Variants in CDH20 observed in about 807,000 individuals in gnomAD.
CDH20 encodes the protein cadherin-20.
A neutral mutation model predicts 74.2 loss-of-function variants in CDH20; 29 were observed. That is an observed-to-expected ratio of 0.39 (90% CI 0.29 to 0.53). The LOEUF (loss-of-function observed/expected upper bound fraction) is 0.53. Among genes scored for constraint, CDH20 ranks in the 20% least tolerant of loss-of-function variants. The pLI is 0.69. For missense variants in CDH20, 988 were observed against 1,048.3 expected, an observed-to-expected ratio of 0.94 and a Z score of 0.79; for synonymous variants, 469 against 405.4, an observed-to-expected ratio of 1.16 and a Z score of -1.88.
In CDH20 at chr18:61,464,566, C is replaced by T. The variant is rs115806152; in HGVS notation, c.-152-25836C>T. ...GTTTTCTGGATGCTTTGATTCACTGCACTGGTCAACTTAGAGTATGGGAAC... is the reference window on the plus strand; with the variant it reads ...GTTTTCTGGATGCTTTGATTCACTGTACTGGTCAACTTAGAGTATGGGAAC... On this transcript the variant is annotated intron_variant, in intron 1 of 11. Transcript: ENST00000262717. 8.5e-3 allele frequency among the ~76,000 whole-genome samples: 1,289 copies of T among 152,260 alleles called. 18 individuals are homozygous for T. Among genetic ancestry groups the T allele is most frequent in the African/African-American group, 0.03 (1,228 of 41,534 alleles).
intron 1 of CDH20, among the ~76,000 whole-genome samples, chr18:61,462,798 A>G (rs978349619): frequency 6.6e-6 from 1 of 151,948 alleles, no homozygotes; most frequent in Non-Finnish European, 1.5e-5. Flanking sequence ...AGATCCTTGA[A>G]GTTTTCTGGT....
chr18:61,395,930 G>C (rs1016607797), intron 1 of CDH20, among the ~76,000 whole-genome samples: 1 of 152,126 alleles, frequency 6.6e-6, no homozygotes, highest in Non-Finnish European at 1.5e-5. Flanking sequence ...CTACTTTTTC[G>C]ATAGTGTTAG....
chr18:61,351,797 G>A (rs1318655481), intron 1 of CDH20, among the ~76,000 whole-genome samples: 4 of 151,888 alleles, frequency 2.6e-5, no homozygotes, highest in Admixed American at 2.0e-4. Context: ...TGAGATTGAT[G>A]TCATGAATAC....
chr18:61,432,001 T>C (rs894282181), intron 1 of CDH20, among the ~76,000 whole-genome samples: 1 of 151,976 alleles, frequency 6.6e-6, no homozygotes, highest in African/African-American at 2.4e-5. Context: ...CTTTGGGATG[T>C]CGAGGCGGGC....
intron 1 of CDH20, among the ~76,000 whole-genome samples, chr18:61,421,483 T>C (rs1210119211): frequency 1.3e-5 from 2 of 152,336 alleles, no homozygotes; most frequent in African/African-American, 4.8e-5. Flanking sequence ...TGTTTCACTA[T>C]CTAATCATGT....
chr18:61,400,043 C>T (rs1254690550), intron 1 of CDH20, among the ~76,000 whole-genome samples: 2 of 152,198 alleles, frequency 1.3e-5, no homozygotes, highest in South Asian at 2.1e-4. Context: ...AAAATATAAG[C>T]CTATTGAGAA....
chr18:61,465,480 ATC>A (rs1263565644), intron 1 of CDH20, among the ~76,000 whole-genome samples: 1 of 152,206 alleles, frequency 6.6e-6, no homozygotes, highest in African/African-American at 2.4e-5. Flanking sequence ...AGCAATAAGA[ATC>A]TCAGAGTTTT....
At chr18:61,500,961 G>T (rs1475444872) in intron 4 of CDH20, among the ~76,000 whole-genome samples, 2 of 152,328 alleles carry the variant, frequency 1.3e-5, no homozygotes, top group African/African-American at 4.8e-5. Flanking sequence ...TTGGGAAATT[G>T]AGAGCTACTA....
chr18:61,402,552 T>C (rs1308438211), intron 1 of CDH20, among the ~76,000 whole-genome samples: 1 of 152,196 alleles, frequency 6.6e-6, no homozygotes, highest in East Asian at 1.9e-4. Context: ...TCCCTGATTG[T>C]AAATTAAGCA....
chr18:61,404,926 G>T, intron 1 of CDH20: 1 of 701,380 alleles, frequency 1.4e-6, no homozygotes. Flanking sequence ...ATGATAGCCA[G>T]TGTGCATACT....
At chr18:61,397,311 G>C (rs968656343) in intron 1 of CDH20, among the ~76,000 whole-genome samples, 5 of 151,958 alleles carry the variant, frequency 3.3e-5, no homozygotes. Flanking sequence ...AATTTTCTCT[G>C]CCTCATAAAA....
rs773156757 is a variant in CDH20 at position 61,554,493 on chromosome 18, T to C, written c.2204T>C (p.Met735Thr). The change falls in exon 12 of 12, where the codon ATG becomes ACG. Residue 735 changes from methionine (M) to threonine (T), a missense_variant. By Grantham distance (81) the Met-to-Thr change is moderately conservative. Around this residue, in one of 2 missense-constraint regions of CDH20, gnomAD observed 375 missense variants for 293.1 expected, o/e 1.28. Coordinates refer to ENST00000262717, the MANE Select transcript of CDH20 (RefSeq NM_031891.4). ...CTGGCCAAGCTCTACGAGGCCGACATGGACCTGTGGGCACCGCCCTTCGAC... is the reference window on the plus strand; with the variant it reads ...CTGGCCAAGCTCTACGAGGCCGACACGGACCTGTGGGCACCGCCCTTCGAC... The part of the protein sequence containing the change: ...YVLAKLYEAD[M>T]DLWAPPFDSL... The C allele has an allele frequency of 3.7e-6, 6 of 1,612,880 alleles. No homozygotes were observed. The highest frequency in any genetic ancestry group is 3.3e-5 in the South Asian group (3 of 90,950).
intron 2 of CDH20, among the ~76,000 whole-genome samples, chr18:61,494,922 G>T (rs558772533): frequency 1.3e-5 from 2 of 152,266 alleles, no homozygotes; most frequent in African/African-American, 4.8e-5. Context: ...GATGACAAAA[G>T]GAGTGAACAT....
intron 1 of CDH20, among the ~76,000 whole-genome samples, chr18:61,421,738 G>A (rs1912886934): frequency 6.6e-6 from 1 of 152,082 alleles, no homozygotes; most frequent in Non-Finnish European, 1.5e-5. Flanking sequence ...ATTATCACAT[G>A]TACCTCAAAA....
chr18:61,334,933 A>C (rs1365909712), intron 1 of CDH20, among the ~76,000 whole-genome samples: 1 of 152,096 alleles, frequency 6.6e-6, no homozygotes, highest in East Asian at 1.9e-4. Context: ...GCCTCCCCTC[A>C]AATGAAATGT....
intron 1 of CDH20, among the ~76,000 whole-genome samples, chr18:61,409,387 C>T (rs939747028): frequency 6.6e-6 from 1 of 152,150 alleles, no homozygotes; most frequent in Non-Finnish European, 1.5e-5. Context: ...CAGGCTCCTT[C>T]AACACGGTCC....
intron 1 of CDH20, among the ~76,000 whole-genome samples, chr18:61,336,955 T>G (rs1414454191): frequency 6.6e-6 from 1 of 152,218 alleles, no homozygotes; most frequent in African/African-American, 2.4e-5. Context: ...GCAGTTCTTC[T>G]TAGTTTAGAA....
chr18:61,549,864 A>G lies in CDH20; in HGVS notation c.1649-114A>G, dbSNP rs1568186955. 13 of 1,080,730 alleles carry G rather than the reference A, an allele frequency of 1.2e-5. No individual in the cohort carries two copies. The South Asian group carries it at 1.7e-4, about 14-fold the overall frequency. The allele number at this position is 1,080,730 out of a possible 1,614,324, so 66.9% of individuals were successfully genotyped here. On this transcript the variant is annotated intron_variant, in intron 10 of 11. Transcript: ENST00000262717. ...CGCCATGGTTGACCACTACCAGGGA[A>G]TATCTGACTATCCTCTTTCCTTCCT...
chr18:61,430,313 G>A (rs773984951), intron 1 of CDH20, among the ~76,000 whole-genome samples: 3 of 152,046 alleles, frequency 2.0e-5, no homozygotes, highest in Non-Finnish European at 2.9e-5. Context: ...CTAGTCAGTT[G>A]ATTTCAGAGG....
Sources: allele counts gnomAD v4.1 joint callset (sites outside exome capture counted in the v4.1 genomes callset), GRCh38; gene constraint gnomAD v4.1.1; regional missense constraint gnomAD v4.1.1; transcripts MANE v1.5; gene names NCBI Gene and HGNC (gene_info 2026-07-23, HGNC 2026-07-21).